SNRK: variants seen among roughly 807,000 people sequenced by gnomAD.
SNRK encodes the protein SNF-related serine/threonine-protein kinase.
SNRK carries 3 observed loss-of-function variants against 48.2 expected under a neutral mutation model. The observed-to-expected ratio is 0.06, with a 90% CI of 0.03 to 0.16. The LOEUF (loss-of-function observed/expected upper bound fraction) is 0.16. Among genes scored for constraint, SNRK ranks in the 10% least tolerant of loss-of-function variants. The pLI, the probability that SNRK is intolerant of heterozygous loss-of-function variation, is 1.00. For missense variants in SNRK, 627 were observed against 976.0 expected (o/e 0.64, Z 4.76); for synonymous variants, 376 against 366.1 (o/e 1.03, Z -0.31).
At chr3:43,288,758 A>T (rs1183664172) in intron 1 of SNRK, among the ~76,000 whole-genome samples, 1 of 152,222 alleles carries the variant, frequency 6.6e-6, no homozygotes, top group African/African-American at 2.4e-5. Flanking sequence ...TTAGGAATTA[A>T]AAACCGTAGA....
chr3:43,305,689 GT>G (rs1449994976), intron 3 of SNRK, among the ~76,000 whole-genome samples: 1 of 151,886 alleles, frequency 6.6e-6, no homozygotes, highest in African/African-American at 2.4e-5. Flanking sequence ...GTTTCACCGT[GT>G]TAGCCAGGAT....
chr3:43,310,116 A>G (rs1196598545), intron 3 of SNRK, among the ~76,000 whole-genome samples: 2 of 152,186 alleles, frequency 1.3e-5, no homozygotes, highest in Non-Finnish European at 2.9e-5. Context: ...TCGCTGAGGT[A>G]TGCCTGTGTA....
chr3:43,321,679 A>G (rs147669114), intron 3 of SNRK, among the ~76,000 whole-genome samples: 22 of 152,348 alleles, frequency 1.4e-4, no homozygotes, highest in African/African-American at 5.3e-4. Flanking sequence ...AGAATCATGA[A>G]ATCATCATCA....
chr3:43,338,666 T>C (rs1449835823), intron 4 of SNRK, among the ~76,000 whole-genome samples: 2 of 152,246 alleles, frequency 1.3e-5, no homozygotes, highest in Non-Finnish European at 2.9e-5. Context: ...TTTATAAAAT[T>C]GTTTTGTATT....
At chr3:43,341,623 G>A (rs184481049) in intron 5 of SNRK, among the ~76,000 whole-genome samples, 23 of 152,284 alleles carry the variant, frequency 1.5e-4, no homozygotes, top group East Asian at 1.2e-3. Context: ...GAAACAGTTG[G>A]GTATGTTCGA....
intron 1 of SNRK, among the ~76,000 whole-genome samples, chr3:43,286,919 G>C (rs1242163534): frequency 6.9e-6 from 1 of 145,818 alleles, no homozygotes; most frequent in Admixed American, 6.8e-5. Flanking sequence ...CGGCGGCGGG[G>C]CCCGGCGGGA....
At chr3:43,291,085 A>G (rs1053855426) in intron 1 of SNRK, among the ~76,000 whole-genome samples, 22 of 152,154 alleles carry the variant, frequency 1.4e-4, no homozygotes, top group African/African-American at 5.3e-4. Context: ...TGGGCCCTAG[A>G]GCATGGGTAA....
chr3:43,298,045 G>T (rs924112966), intron 1 of SNRK, among the ~76,000 whole-genome samples: 1 of 152,166 alleles, frequency 6.6e-6, no homozygotes, highest in Non-Finnish European at 1.5e-5. Context: ...GATGGTGGTG[G>T]TGGTAGCTGG....
At chr3:43,335,480 A>T (rs1371323223) in intron 4 of SNRK, among the ~76,000 whole-genome samples, 1 of 151,912 alleles carries the variant, frequency 6.6e-6, no homozygotes, top group Non-Finnish European at 1.5e-5. Flanking sequence ...TGTTTTTTCA[A>T]ATTGCTGAGA....
chr3:43,311,792 G>C (rs1050716831), intron 3 of SNRK, among the ~76,000 whole-genome samples: 2 of 152,114 alleles, frequency 1.3e-5, no homozygotes, highest in Non-Finnish European at 2.9e-5. Flanking sequence ...GGGGTGGCCT[G>C]CTTGTAGTGA....
rs746846473 is a variant in SNRK, at chr3:43,347,408, C to A, written c.1149C>A (p.Ser383=). The change falls in exon 7 of 7, where the codon TCC becomes TCA. Residue 383 remains serine (S), a synonymous_variant. Transcript: ENST00000296088. This position sits in a 1 kb window ranked among gnomAD's most constrained non-coding sequence, Gnocchi z 5.4. ...LEDDLTATPL[S]HATVPQSPAR... is the part of the protein sequence containing the mutation. ...ATGACCTCACGGCCACTCCTTTGTC[C>A]CACGCGACTGTCCCTCAGTCTCCTG... is the stretch of plus-strand genomic sequence containing the variant. 6.2e-7 allele frequency: 1 copy of A among 1,613,256 alleles called. No homozygotes were observed. Among genetic ancestry groups the A allele is most frequent in the East Asian group, 2.2e-5 (1 of 44,880 alleles).
rs539401808 is a variant in SNRK, at chr3:43,301,389, A to C, written c.-107+1574A>C. 7.9e-5 allele frequency among the ~76,000 whole-genome samples: 12 copies of C among 152,290 alleles called. 1 individual carries two copies. The highest frequency in any genetic ancestry group is 2.9e-4 in the African/African-American group (12 of 41,570). ...ATAAACAATGTGGGCTTTGAAATGT[A>C]TTAATTAGGTGTGAATCCTAGGTTT... On this transcript the variant is annotated intron_variant, in intron 2 of 6. Coordinates refer to ENST00000296088, the MANE Select transcript of SNRK (RefSeq NM_017719.5).
intron 3 of SNRK, among the ~76,000 whole-genome samples, chr3:43,305,714 T>C: frequency 6.6e-6 from 1 of 152,062 alleles, no homozygotes; most frequent in East Asian, 1.9e-4. Flanking sequence ...CTTGATCTCC[T>C]GACCTCGTGA....
chr3:43,301,709 CTT>C (rs1298381729), intron 2 of SNRK, among the ~76,000 whole-genome samples: 3 of 152,112 alleles, frequency 2.0e-5, no homozygotes, highest in Non-Finnish European at 1.5e-5. Context: ...AATTAATGCT[CTT>C]AATATGTAAC....
At chr3:43,296,436 A>ATATATATG (rs1553632605) in intron 1 of SNRK, among the ~76,000 whole-genome samples, 7 of 145,452 alleles carry the variant, frequency 4.8e-5, no homozygotes, top group Non-Finnish European at 3.0e-5. Context: ...ATATATATGT[A>ATATATATG]TATATATATA....
intron 3 of SNRK, chr3:43,315,347 G>T (rs148937638): frequency 1.3e-5 from 2 of 152,260 alleles, no homozygotes; most frequent in African/African-American, 4.8e-5. Flanking sequence ...TATTTTTACA[G>T]TCCTTCCCAA....
intron 3 of SNRK, among the ~76,000 whole-genome samples, chr3:43,320,867 C>T (rs949888951): frequency 2.7e-5 from 4 of 150,158 alleles, no homozygotes; most frequent in African/African-American, 9.8e-5. Context: ...CTCTTCATGA[C>T]TTTGAATTTT....
intron 3 of SNRK, among the ~76,000 whole-genome samples, chr3:43,314,363 T>G (rs1032479542): frequency 1.3e-5 from 2 of 152,184 alleles, no homozygotes; most frequent in African/African-American, 4.8e-5. Flanking sequence ...CTATCTGAAA[T>G]GAATTGCCTT....
At chr3:43,342,197 A>C (rs1240229798) in intron 5 of SNRK, among the ~76,000 whole-genome samples, 3 of 152,208 alleles carry the variant, frequency 2.0e-5, no homozygotes, top group African/African-American at 7.2e-5. Context: ...AGTGCAATTT[A>C]AATGGTTCAG....
Sources: allele counts gnomAD v4.1 joint callset (sites outside exome capture counted in the v4.1 genomes callset), GRCh38; gene constraint gnomAD v4.1.1; non-coding constraint Gnocchi (gnomAD v3.1); transcripts MANE v1.5; gene names NCBI Gene and HGNC (gene_info 2026-07-23, HGNC 2026-07-21).